Variants in KIAA1210 observed in about 807,000 individuals in gnomAD.
The protein encoded by KIAA1210 is acrosomal protein KIAA1210.
Under a neutral mutation model 78.9 loss-of-function variants are expected in KIAA1210, and 48 were observed. That is an observed-to-expected ratio of 0.61 (90% CI 0.48 to 0.77). The LOEUF (loss-of-function observed/expected upper bound fraction) is 0.77. Ranked by LOEUF, KIAA1210 falls within the 30% of genes least tolerant of loss-of-function variation. The pLI is 0.00. For synonymous variants in KIAA1210, 406 were observed against 404.5 expected, an observed-to-expected ratio of 1.00 and a Z score of -0.04; for missense variants, 1,108 against 1,100.0, an observed-to-expected ratio of 1.01 and a Z score of -0.10.
At chrX:119,114,860 GAAAATA>G (rs982642111) in intron 3 of KIAA1210, among the ~76,000 whole-genome samples, 2 of 111,730 alleles carry the variant, frequency 1.8e-5, no homozygotes, top group Non-Finnish European at 1.9e-5. Context: ...CCCTGGAGGC[GAAAATA>G]AAAATAAAAA....
In KIAA1210 at chrX:119,080,044, C is replaced by T. The variant is rs1238780488; in HGVS notation, c.*1285G>A. On this transcript the variant is annotated 3_prime_UTR_variant, in exon 12 of 12. Transcript: ENST00000691062. The stretch of plus-strand genomic sequence containing the variant: ...GATGTGCATCAAGGCAGTAAGCTTG[C>T]CATCTGCCTGATGGAAAGTACAGCT... 5 of 111,520 alleles carry T rather than the reference C, an allele frequency of 4.5e-5. No homozygotes were observed. Among genetic ancestry groups the T allele is most frequent in the African/African-American group, 1.6e-4 (5 of 30,619 alleles). 9.2% of individuals were successfully genotyped at this position (111,520 alleles called of 1,213,427 possible).
intron 2 of KIAA1210, among the ~76,000 whole-genome samples, chrX:119,123,063 T>C (rs1308883125): frequency 8.9e-6 from 1 of 112,416 alleles, no homozygotes; most frequent in East Asian, 2.8e-4. Context: ...TTTAGTGACA[T>C]TTGCCTCCCT....
At position 119,087,074 on chromosome X, in the gene KIAA1210, G is replaced by T. The variant is rs1418906857; in HGVS notation, c.3628C>A (p.Arg1210=). 5.8e-6 allele frequency: 7 copies of T among 1,209,677 alleles called. No individual in the cohort carries two copies. Among genetic ancestry groups the T allele is most frequent in the Admixed American group, 4.4e-5 (2 of 45,703 alleles). The change falls in exon 9 of 12, where the codon CGA becomes AGA. Residue 1210 remains arginine (R), a synonymous_variant. Coordinates refer to ENST00000691062, the MANE Select transcript of KIAA1210 (RefSeq NM_001394962.1). ...TCAGAATTGCTCTCAAAAACAGATCGCCTAGCAGCAGCATTCACAGAACTT... is the reference window on the plus strand; with the variant it reads ...TCAGAATTGCTCTCAAAAACAGATCTCCTAGCAGCAGCATTCACAGAACTT... ...HSSSVNAAAR[R]SVFESNSDNW... is the part of the protein sequence containing the mutation.
At position 119,093,759 on chromosome X, in the gene KIAA1210, T is replaced by G. The variant is rs752346058; in HGVS notation, c.863A>C (p.Glu288Ala). 8.3e-7 allele frequency: 1 copy of G among 1,205,866 alleles called. No individual in the cohort carries two copies. Among genetic ancestry groups the G allele is most frequent in the Non-Finnish European group, 1.1e-6 (1 of 891,676 alleles). The change falls in exon 8 of 12, where the codon GAG becomes GCG. Residue 288 changes from glutamate (E) to alanine (A), a missense_variant. Physicochemically the swap from Glu to Ala is moderately radical, Grantham distance 107. This residue lies in a region of KIAA1210 where 672 missense variants were observed against 607.1 expected (regional missense o/e 1.11). Transcript: ENST00000691062. ...AGAAACCAATGGAAGGTTTGGCTCCTCCTCCTTTGGTTCCACCTGAAACAG... is the reference window on the plus strand; with the variant it reads ...AGAAACCAATGGAAGGTTTGGCTCCGCCTCCTTTGGTTCCACCTGAAACAG... ...NLQVIVEPKE[E>A]EPNLPLVSEE... is the part of the protein sequence containing the mutation.
intron 2 of KIAA1210, among the ~76,000 whole-genome samples, chrX:119,122,170 A>G (rs1164774008): frequency 2.0e-5 from 2 of 99,540 alleles, no homozygotes; most frequent in Non-Finnish European, 3.9e-5. Context: ...GTTTCAAGTG[A>G]TTCTTTTGCC....
At chrX:119,139,214 G>A (rs1928990628) in intron 2 of KIAA1210, among the ~76,000 whole-genome samples, 1 of 111,451 alleles carries the variant, frequency 9.0e-6, no homozygotes, top group African/African-American at 3.3e-5. Context: ...GTGACTCCTG[G>A]GAGGTGAGGG....
In KIAA1210 at chrX:119,096,547, G is replaced by A. The variant is rs769863470; in HGVS notation, c.793C>T (p.Arg265Cys). Residue 265 changes from arginine (R) to cysteine (C), a missense_variant, in exon 7 of 12, where the codon CGC (arginine) becomes TGC (cysteine). By Grantham distance (180) the Arg-to-Cys change is radical (BLOSUM62 -3). Coordinates refer to ENST00000691062, the MANE Select transcript of KIAA1210 (RefSeq NM_001394962.1). ...TQGCLDSSAA[R>C]HKMTLNPRKQ... ...CGGGGATTTAAAGTCATTTTGTGGC[G>A]AGCAGCTGAAGAATCCAAACAGCCC... 3.3e-6 allele frequency: 4 copies of A among 1,210,903 alleles called. No homozygotes were observed. Among genetic ancestry groups the A allele is most frequent in the East Asian group, 3.0e-5 (1 of 33,849 alleles).
intron 2 of KIAA1210, among the ~76,000 whole-genome samples, chrX:119,142,774 C>CAAAAAAAA: frequency 2.6e-5 from 1 of 38,787 alleles, no homozygotes; most frequent in Non-Finnish European, 4.2e-5. Flanking sequence ...GACTCCATCT[C>CAAAAAAAA]AAAAAAAAAA....
intron 6 of KIAA1210, among the ~76,000 whole-genome samples, chrX:119,098,260 C>CATGT (rs1164457081): frequency 1.8e-5 from 2 of 111,959 alleles, no homozygotes; most frequent in African/African-American, 3.2e-5. Flanking sequence ...GCTCTTCCCC[C>CATGT]ATGTCCATGT....
intron 1 of KIAA1210, among the ~76,000 whole-genome samples, chrX:119,149,317 A>G (rs1248105499): frequency 9.0e-6 from 1 of 111,488 alleles, no homozygotes; most frequent in African/African-American, 3.3e-5. Context: ...CCTTAAGTGC[A>G]TCTTCGTTCA....
At chrX:119,114,602 T>C (rs1301447523) in intron 3 of KIAA1210, among the ~76,000 whole-genome samples, 5 of 112,554 alleles carry the variant, frequency 4.4e-5, no homozygotes, top group Non-Finnish European at 7.5e-5. Flanking sequence ...AGAACCAGTG[T>C]AGCATCTGTG....
intron 3 of KIAA1210, among the ~76,000 whole-genome samples, chrX:119,109,646 G>A (rs1433183815): frequency 1.8e-5 from 2 of 111,660 alleles, no homozygotes; most frequent in African/African-American, 6.5e-5. Flanking sequence ...TGGCAATTCC[G>A]GGGAATGGGA....
In KIAA1210 at chrX:119,109,085, T is replaced by C; in HGVS notation, c.348A>G (p.Arg116=). The C allele has an allele frequency of 8.3e-7, 1 of 1,209,787 alleles. No individual in the cohort carries two copies. The highest frequency in any genetic ancestry group is 1.1e-6 in the Non-Finnish European group (1 of 894,309). ...TCGAGTCCACTATTACCTGCTGAGG[T>C]CTGCCTCTCTGGGGATCCATAGAAG... ...MFPSMDPQRG[R]PQQRSHISRT... is the part of the protein sequence containing the mutation. Residue 116 remains arginine (R), a synonymous_variant, in exon 4 of 12, where the codon AGA becomes AGG. Coordinates refer to ENST00000691062, the MANE Select transcript of KIAA1210 (RefSeq NM_001394962.1).
intron 8 of KIAA1210, among the ~76,000 whole-genome samples, chrX:119,092,492 T>G (rs765313074): frequency 8.9e-6 from 1 of 112,265 alleles, no homozygotes; most frequent in South Asian, 3.7e-4. Context: ...CTGGGTGCAG[T>G]GGCTCACGCC....
chrX:119,104,892 C>T, intron 6 of KIAA1210, 100 bp downstream of exon 6: 3 of 775,716 alleles, frequency 3.9e-6, no homozygotes, highest in Non-Finnish European at 5.5e-6. Context: ...CCCCAATCAT[C>T]CCCCTAGTGT....
At chrX:119,123,847 C>T (rs1290648401) in intron 1 of KIAA1210, among the ~76,000 whole-genome samples, 195 bp from the exon 2 acceptor site, 1 of 111,919 alleles carries the variant, frequency 8.9e-6, no homozygotes, top group Non-Finnish European at 1.9e-5. Flanking sequence ...ATTCCATTTA[C>T]ATAAAATGTC....
chrX:119,099,992 C>T (rs1315323987), intron 6 of KIAA1210, among the ~76,000 whole-genome samples: 1 of 110,843 alleles, frequency 9.0e-6, no homozygotes, highest in Non-Finnish European at 1.9e-5. Flanking sequence ...AGTGTGGCTC[C>T]TTCTTAGGCC....
intron 10 of KIAA1210, among the ~76,000 whole-genome samples, chrX:119,084,372 A>T (rs1026449821): frequency 3.6e-5 from 4 of 111,997 alleles, no homozygotes; most frequent in Non-Finnish European, 5.6e-5. Context: ...AAATCCAAAC[A>T]TCAAACACAG....
rs765403929 is a variant in KIAA1210 at position 119,088,250 on chromosome X, T to C, written c.2452A>G (p.Lys818Glu). The C allele has an allele frequency of 2.5e-6, 3 of 1,209,944 alleles. No homozygotes were observed. The highest frequency in any genetic ancestry group is 1.7e-5 in the African/African-American group (1 of 57,145). ...CCTGAGAACATGTTTTGTTGAACTT[T>C]AGGATTCATCAAGGGCTGGCAAAGA... Reference protein sequence around the residue: ...KLLCQPLMNPKVQQNMFSGSE... With the variant: ...KLLCQPLMNPEVQQNMFSGSE... The change falls in exon 9 of 12, where the codon AAA (lysine) becomes GAA (glutamate). Residue 818 changes from lysine (K) to glutamate (E), a missense_variant. Coordinates refer to ENST00000691062, the MANE Select transcript of KIAA1210 (RefSeq NM_001394962.1).
Sources: gnomAD v4.1 joint callset for allele counts (sites outside exome capture counted in the v4.1 genomes callset) on GRCh38, gnomAD v4.1.1 for gene constraint, gnomAD v4.1.1 regional missense constraint, MANE v1.5 for transcripts, NCBI Gene and HGNC (gene_info 2026-07-23, HGNC 2026-07-21) for gene names.